The following RBM39 variants were observed in gnomAD, a reference collection of about 807,000 sequenced individuals.
RBM39 encodes the protein RNA binding motif protein 39, also known as RNA-binding protein 39.
RBM39 carries 12 observed loss-of-function variants against 79.6 expected under a neutral mutation model. The ratio of observed to expected loss-of-function variants is 0.15; its 90% CI spans 0.10 to 0.24. RBM39 has a LOEUF of 0.24. Ranked by LOEUF, RBM39 falls within the 10% of genes least tolerant of loss-of-function variation. The probability of loss-of-function intolerance (pLI) is 1.00; values close to 1 mark genes in which losing one functional copy is unlikely to be tolerated. For synonymous variants in RBM39, 185 were observed against 208.4 expected (o/e 0.89, Z 0.97); for missense variants, 243 against 653.4 (o/e 0.37, Z 6.85).
intron 3 of RBM39, among the ~76,000 whole-genome samples, chr20:35,738,689 A>C (rs1232769031): frequency 6.6e-6 from 1 of 152,236 alleles, no homozygotes; most frequent in Non-Finnish European, 1.5e-5. Flanking sequence ...CAAAGTTAAC[A>C]AATTTAAAAC....
At chr20:35,712,807 G>T (rs373199207) in intron 12 of RBM39, among the ~76,000 whole-genome samples, 1 of 152,012 alleles carries the variant, frequency 6.6e-6, no homozygotes. Flanking sequence ...AAAAACTGGG[G>T]TGCAGGGTTT....
At chr20:35,735,602 G>A (rs993795118) in intron 3 of RBM39, among the ~76,000 whole-genome samples, 3 of 152,174 alleles carry the variant, frequency 2.0e-5, no homozygotes, top group African/African-American at 7.2e-5. Context: ...AGTACTAAAG[G>A]TTTAAAGCAG....
chr20:35,719,377 A>C (rs2037605657), intron 9 of RBM39, among the ~76,000 whole-genome samples: 1 of 152,190 alleles, frequency 6.6e-6, no homozygotes, highest in Admixed American at 6.5e-5. Flanking sequence ...AAGAGAGTTG[A>C]GTACTTGCAA....
chr20:35,733,770 C>T (rs981565788), intron 3 of RBM39, among the ~76,000 whole-genome samples: 3 of 152,080 alleles, frequency 2.0e-5, no homozygotes, highest in Non-Finnish European at 4.4e-5. Flanking sequence ...GGGATGCAAT[C>T]AAAACCAATG....
chr20:35,718,139 A>G (rs2037399940), intron 9 of RBM39, among the ~76,000 whole-genome samples: 1 of 152,022 alleles, frequency 6.6e-6, no homozygotes, highest in Non-Finnish European at 1.5e-5. Flanking sequence ...GATTACAGGC[A>G]TGAGCCACTG....
At chr20:35,724,544 A>C in intron 8 of RBM39, 26 bp downstream of exon 8, 1 of 1,610,476 alleles carries the variant, frequency 6.2e-7, no homozygotes, top group Non-Finnish European at 8.5e-7. Context: ...ACCAATAATC[A>C]AACTCTTAAC....
intron 2 of RBM39, chr20:35,739,613 T>G: frequency 2.2e-6 from 1 of 455,440 alleles, no homozygotes; most frequent in South Asian, 1.6e-5. Flanking sequence ...GAAAGTCAAT[T>G]AATAATCCAC....
intron 9 of RBM39, among the ~76,000 whole-genome samples, chr20:35,717,996 C>G (rs1272530559): frequency 6.6e-6 from 1 of 151,966 alleles, no homozygotes; most frequent in Non-Finnish European, 1.5e-5. Flanking sequence ...GTAGCTGGGA[C>G]TACAGGCACC....
At chr20:35,711,302 T>TAA (rs376964925) in intron 12 of RBM39, among the ~76,000 whole-genome samples, 8 of 151,222 alleles carry the variant, frequency 5.3e-5, no homozygotes, top group African/African-American at 1.9e-4. Context: ...GTTTTCTGGT[T>TAA]AAAAAAAAAC....
In RBM39 at chr20:35,737,305, G is replaced by A. The variant is rs541149000; in HGVS notation, c.101+1663C>T. Among the ~76,000 whole-genome samples, 130 of 150,472 alleles carry A rather than the reference G, an allele frequency of 8.6e-4. 1 individual carries two copies. Among genetic ancestry groups the A allele is most frequent in the African/African-American group, 2.6e-3 (108 of 40,900 alleles). ...CTCGGGAGGCTGAGGCGGAAGAATC[G>A]CTTAAGCCCGGGTGGCAGAGGTTGC... On this transcript the variant is annotated intron_variant, in intron 3 of 16. Transcript: ENST00000253363.
In RBM39 at chr20:35,714,072, C is replaced by T. The variant is rs76414311; in HGVS notation, c.1096+113G>A. ...TAATATGCAGTGTGACCAAGGATAA[C>T]GCCAACTACAAAATAAGATAAAATC... is the stretch of plus-strand genomic sequence containing the variant. On this transcript the variant is annotated intron_variant, in intron 11 of 16. Coordinates refer to ENST00000253363, the MANE Select transcript of RBM39 (RefSeq NM_184234.3). The T allele has an allele frequency of 2.4e-3, 2,476 of 1,025,020 alleles. 34 individuals are homozygous for T. In the African/African-American group the frequency reaches 0.035, roughly 15 times the overall value. 63.5% of individuals were successfully genotyped at this position (1,025,020 alleles called of 1,614,324 possible). A position where few individuals can be genotyped will look rare whatever the true frequency, so the allele number is the denominator to read the frequency against.
At chr20:35,706,627 C>G (rs888534996) in intron 14 of RBM39, among the ~76,000 whole-genome samples, 3 of 152,100 alleles carry the variant, frequency 2.0e-5, no homozygotes, top group African/African-American at 7.2e-5. Flanking sequence ...TACTAGCATT[C>G]TAATGCTAAT....
intron 9 of RBM39, among the ~76,000 whole-genome samples, chr20:35,719,677 T>A (rs2037652926): frequency 6.6e-6 from 1 of 152,106 alleles, no homozygotes; most frequent in South Asian, 2.1e-4. Context: ...AACTCCCATC[T>A]CAAAATTTAA....
In RBM39 at chr20:35,713,037, C is replaced by T; in HGVS notation, c.1156G>A (p.Ala386Thr). The T allele has an allele frequency of 6.2e-7, 1 of 1,613,020 alleles. No homozygotes were observed. Among genetic ancestry groups the T allele is most frequent in the Non-Finnish European group, 8.5e-7 (1 of 1,179,492 alleles). Residue 386 changes from alanine (A) to threonine (T), a missense_variant, in exon 12 of 17, where the codon GCA becomes ACA. Physicochemically the swap from Ala to Thr is moderately conservative, Grantham distance 58. Transcript: ENST00000253363. ...TTCCTACCTGCCACAGCACCAAATG[C>T]CAAAGAGCCACTCATCTGTAGAGCT... ...QQALQMSGSL[A>T]FGAVAEFSFV...
chr20:35,714,453 T>A, intron 10 of RBM39, 64 bp from the exon 11 acceptor site: 1 of 1,464,600 alleles, frequency 6.8e-7, no homozygotes, highest in Non-Finnish European at 9.0e-7. Flanking sequence ...AAACTATACT[T>A]AAAAATATAT....
intron 2 of RBM39, chr20:35,740,408 C>T (rs1301049651): frequency 2.1e-6 from 1 of 485,964 alleles, no homozygotes. Context: ...TGGACCCCTG[C>T]TTTTTCCCAA....
chr20:35,731,904 T>A (rs778153376), intron 4 of RBM39, 37 bp downstream of exon 4: 1 of 1,588,102 alleles, frequency 6.3e-7, no homozygotes, highest in South Asian at 1.1e-5. Flanking sequence ...ACCCAGAGAA[T>A]AACCCTCAAA....
At chr20:35,712,389 C>T (rs891921471) in intron 12 of RBM39, among the ~76,000 whole-genome samples, 2 of 137,932 alleles carry the variant, frequency 1.4e-5, no homozygotes, top group Non-Finnish European at 3.0e-5. Context: ...GCCGAGACTG[C>T]ACCACTGCAC....
At position 35,719,286 on chromosome 20, in the gene RBM39, C is replaced by T. The variant is rs116261680; in HGVS notation, c.825+2454G>A. On this transcript the variant is annotated intron_variant, in intron 9 of 16. Coordinates refer to ENST00000253363, the MANE Select transcript of RBM39 (RefSeq NM_184234.3). ...ACCTCAAGTGATCCACCCGACTCGG[C>T]CCCCAAAAGTGCAGGGATCACAGGC... Among the ~76,000 whole-genome samples the T allele has an allele frequency of 2.6e-3, 397 of 152,252 alleles. 1 individual carries two copies. The highest frequency in any genetic ancestry group is 9.1e-3 in the African/African-American group (376 of 41,542).
Sources: allele counts gnomAD v4.1 joint callset (sites outside exome capture counted in the v4.1 genomes callset), GRCh38; gene constraint gnomAD v4.1.1; transcripts MANE v1.5; gene names NCBI Gene and HGNC (gene_info 2026-07-23, HGNC 2026-07-21).